Variants in CDH12 observed in about 807,000 individuals in gnomAD.
The protein encoded by CDH12 is cadherin 12, also known as cadherin-12.
CDH12 carries 41 observed loss-of-function variants against 74.1 expected under a neutral mutation model. That is an observed-to-expected ratio of 0.55 (90% CI 0.43 to 0.72). The LOEUF is 0.72. Among genes scored for constraint, CDH12 ranks in the 30% least tolerant of loss-of-function variants. The probability of loss-of-function intolerance (pLI) is 0.00; values close to 1 mark genes in which losing one functional copy is unlikely to be tolerated. For synonymous variants in CDH12, 399 were observed against 355.0 expected, an observed-to-expected ratio of 1.12 and a Z score of -1.39; for missense variants, 945 against 977.2, an observed-to-expected ratio of 0.97 and a Z score of 0.44.
rs1385378259 is a variant in CDH12, at chr5:22,420,757, C to T, written c.-427-15406G>A. Among the ~76,000 whole-genome samples the T allele has an allele frequency of 2.0e-5, 3 of 152,038 alleles. No individual in the cohort carries two copies. In the East Asian group the frequency reaches 5.8e-4, roughly 29 times the overall value. On this transcript the variant is annotated intron_variant, in intron 2 of 14. Transcript: ENST00000382254. ...GTCAATGGTAGTTTAATGGGAATAT[C>T]ATTGAATCTATAAATTACTTTCAGC...
chr5:22,565,000 A>T (rs545787761), intron 1 of CDH12, among the ~76,000 whole-genome samples: 5 of 152,042 alleles, frequency 3.3e-5, no homozygotes, highest in Non-Finnish European at 7.4e-5. Context: ...GCAGTGGAGC[A>T]ATCTCGGGTC....
chr5:22,011,653 T>C (rs1737301311), intron 5 of CDH12, among the ~76,000 whole-genome samples: 2 of 152,286 alleles, frequency 1.3e-5, no homozygotes, highest in Admixed American at 1.3e-4. Context: ...TTCAAAGAAT[T>C]TTTATTTTTC....
chr5:21,933,220 A>G (rs1430352733), intron 6 of CDH12, among the ~76,000 whole-genome samples: 2 of 152,104 alleles, frequency 1.3e-5, no homozygotes, highest in Non-Finnish European at 2.9e-5. Flanking sequence ...ATTTAATGTC[A>G]TTATATTTGT....
At chr5:21,970,784 G>A (rs1756809531) in intron 6 of CDH12, among the ~76,000 whole-genome samples, 1 of 131,074 alleles carries the variant, frequency 7.6e-6, no homozygotes, top group African/African-American at 2.9e-5. Flanking sequence ...AGGTTGCAGT[G>A]CGCCAAGACC....
intron 1 of CDH12, among the ~76,000 whole-genome samples, chr5:22,683,597 G>GCAATTTCTCAATTTCT (rs1741610569): frequency 6.6e-6 from 1 of 152,198 alleles, no homozygotes; most frequent in East Asian, 1.9e-4. Context: ...CATTGAAAAA[G>GCAATTTCTCAATTTCT]CAATTTCTCA....
intron 1 of CDH12, among the ~76,000 whole-genome samples, chr5:22,761,212 C>T (rs1029122277): frequency 3.9e-5 from 6 of 152,180 alleles, no homozygotes; most frequent in Admixed American, 1.3e-4. Context: ...ATAAAATTGC[C>T]ACCCAGCTTT....
In CDH12 at chr5:22,115,939, C is replaced by T. The variant is rs568434482; in HGVS notation, c.-186-37077G>A. The stretch of plus-strand genomic sequence containing the variant: ...TCTCTTGACCTTGTGATCCGCCTGG[C>T]TTGGCCTAGGAAAGTGCTGGGATTA... On this transcript the variant is annotated intron_variant, in intron 4 of 14. Coordinates refer to ENST00000382254, the MANE Select transcript of CDH12 (RefSeq NM_004061.5). Among the ~76,000 whole-genome samples the T allele has an allele frequency of 2.2e-3, 342 of 152,208 alleles. 3 individuals are homozygous for T. Among genetic ancestry groups the T allele is most frequent in the Admixed American group, 3.7e-3 (57 of 15,284 alleles).
At chr5:22,838,678 T>TGTGC (rs1167900672) in intron 1 of CDH12, among the ~76,000 whole-genome samples, 1 of 151,622 alleles carries the variant, frequency 6.6e-6, no homozygotes, top group Non-Finnish European at 1.5e-5. Flanking sequence ...TGTGTGTGTG[T>TGTGC]GTGTGTGTGT....
intron 6 of CDH12, among the ~76,000 whole-genome samples, chr5:21,971,117 C>T (rs979571681): frequency 1.4e-4 from 21 of 151,666 alleles, no homozygotes; most frequent in Non-Finnish European, 2.8e-4. Context: ...GATGCCCATC[C>T]TTCAGGTTTT....
chr5:22,720,194 G>A (rs1345355863), intron 1 of CDH12, among the ~76,000 whole-genome samples: 1 of 152,102 alleles, frequency 6.6e-6, no homozygotes, highest in Non-Finnish European at 1.5e-5. Context: ...GAATCGTGGG[G>A]GGCAGTTTCC....
chr5:22,406,741 A>T (rs1742956012), intron 2 of CDH12, among the ~76,000 whole-genome samples: 1 of 152,138 alleles, frequency 6.6e-6, no homozygotes, highest in Non-Finnish European at 1.5e-5. Context: ...AAATTTCATT[A>T]TCTGTTTATT....
Position 21,945,427 on chromosome 5 carries a change from C to CAAAAAAAAAAA in CDH12, c.526+29653_526+29663dup, listed in dbSNP as rs1167475672. Among the ~76,000 whole-genome samples the CAAAAAAAAAAA allele has an allele frequency of 1.2e-3, 19 of 15,534 alleles. 2 individuals are homozygous for CAAAAAAAAAAA. The highest frequency in any genetic ancestry group is 4.1e-3 in the African/African-American group (18 of 4,368). The allele number at this position is 15,534 out of a possible 152,430, so 10.2% of individuals were successfully genotyped here. On this transcript the variant is annotated intron_variant, in intron 6 of 14. Coordinates refer to ENST00000382254, the MANE Select transcript of CDH12 (RefSeq NM_004061.5). ...GGCAACAGAGTGAGACTGTTTCAGA[C>CAAAAAAAAAAA]AAAAAAAAAAAAAAAAAAAAAAAAA... is the stretch of plus-strand genomic sequence containing the variant.
chr5:21,992,943 G>T (rs934893894), intron 5 of CDH12, among the ~76,000 whole-genome samples: 1 of 152,126 alleles, frequency 6.6e-6, no homozygotes, highest in African/African-American at 2.4e-5. Context: ...CTTGGCAGAA[G>T]GCGAGGCACA....
chr5:22,177,589 A>G (rs1363607420), intron 4 of CDH12, among the ~76,000 whole-genome samples: 2 of 152,050 alleles, frequency 1.3e-5, no homozygotes, highest in Non-Finnish European at 2.9e-5. Context: ...TAGCTTTGAA[A>G]CTGATTAAAG....
At chr5:22,505,834 G>A (rs763044218) in intron 1 of CDH12, among the ~76,000 whole-genome samples, 7 of 152,084 alleles carry the variant, frequency 4.6e-5, no homozygotes, top group Non-Finnish European at 1.0e-4. Flanking sequence ...GTTGCAATTT[G>A]GCTGATGTAT....
At chr5:22,709,295 GGT>G (rs1315590346) in intron 1 of CDH12, among the ~76,000 whole-genome samples, 1 of 152,048 alleles carries the variant, frequency 6.6e-6, no homozygotes, top group Non-Finnish European at 1.5e-5. Context: ...TTTGTTACAA[GGT>G]GGTACATGAC....
intron 1 of CDH12, among the ~76,000 whole-genome samples, chr5:22,545,830 G>C (rs560358608): frequency 3.3e-5 from 5 of 152,214 alleles, no homozygotes; most frequent in African/African-American, 9.6e-5. Flanking sequence ...AAAGTTATCT[G>C]AGAAAAAATG....
intron 5 of CDH12, among the ~76,000 whole-genome samples, chr5:21,978,800 T>C (rs560859114): frequency 6.6e-6 from 1 of 152,196 alleles, no homozygotes; most frequent in Non-Finnish European, 1.5e-5. Context: ...GTTTATTTCC[T>C]TAAAATAAAA....
chr5:22,238,753 G>C (rs1458828014), intron 3 of CDH12, among the ~76,000 whole-genome samples: 1 of 152,130 alleles, frequency 6.6e-6, no homozygotes, highest in African/African-American at 2.4e-5. Flanking sequence ...AAAATTTATA[G>C]AGTACAATAA....
Sources: gnomAD v4.1 joint callset for allele counts (sites outside exome capture counted in the v4.1 genomes callset) on GRCh38, gnomAD v4.1.1 for gene constraint, MANE v1.5 for transcripts, NCBI Gene and HGNC (gene_info 2026-07-23, HGNC 2026-07-21) for gene names.